Variants in LCOR observed in about 807,000 individuals in gnomAD.
The protein encoded by LCOR is ligand dependent nuclear receptor corepressor.
LCOR carries 14 observed loss-of-function variants against 64.4 expected under a neutral mutation model. The ratio of observed to expected loss-of-function variants is 0.22; its 90% CI spans 0.14 to 0.34. The LOEUF (loss-of-function observed/expected upper bound fraction) is 0.34. Ranked by LOEUF, LCOR falls within the 10% of genes least tolerant of loss-of-function variation. The pLI is 1.00. For missense variants in LCOR, 1,686 were observed against 1,765.3 expected (o/e 0.96, Z 0.80); for synonymous variants, 643 against 642.5 (o/e 1.00, Z -0.01).
At position 96,994,685 on chromosome 10, in the gene LCOR, G is replaced by A. The variant is rs1290582294; in HGVS notation, c.*9551G>A. ...TACTTCTTGTGGTGGTAGGGGGTGG[G>A]GGGAATGGGGCATTGTAGATTATGT... is the stretch of plus-strand genomic sequence containing the variant. On this transcript the variant is annotated 3_prime_UTR_variant, in exon 8 of 8. Transcript: ENST00000421806. 1 of 152,072 alleles carries A rather than the reference G, an allele frequency of 6.6e-6. No homozygotes were observed. Among genetic ancestry groups the A allele is most frequent in the Non-Finnish European group, 1.5e-5 (1 of 68,028 alleles). The allele number at this position is 152,072 out of a possible 1,614,324, so 9.4% of individuals were successfully genotyped here.
intron 2 of LCOR, among the ~76,000 whole-genome samples, chr10:96,861,997 A>G (rs896013819): frequency 6.6e-6 from 1 of 152,236 alleles, no homozygotes; most frequent in Non-Finnish European, 1.5e-5. Flanking sequence ...TGGGGTTCCC[A>G]TAACTCCCTC....
At chr10:96,888,629 GT>G (rs373765358) in intron 2 of LCOR, among the ~76,000 whole-genome samples, 6 of 152,226 alleles carry the variant, frequency 3.9e-5, no homozygotes, top group African/African-American at 1.4e-4. Context: ...CATTGGTCAA[GT>G]GCAAAATAGA....
intron 2 of LCOR, among the ~76,000 whole-genome samples, chr10:96,896,409 TTTA>T (rs372084886): frequency 9.2e-5 from 14 of 151,834 alleles, no homozygotes; most frequent in South Asian, 2.1e-4. Flanking sequence ...ATTAGTTTTA[TTTA>T]TTATTATTAT....
intron 7 of LCOR, chr10:96,956,716 T>G: frequency 1.0e-6 from 1 of 985,840 alleles, no homozygotes; most frequent in Non-Finnish European, 1.2e-6. Context: ...GGATATAGCC[T>G]TATCTCATGG....
At chr10:96,889,562 GT>G (rs1166020028) in intron 2 of LCOR, among the ~76,000 whole-genome samples, 1 of 152,142 alleles carries the variant, frequency 6.6e-6, no homozygotes, top group African/African-American at 2.4e-5. Flanking sequence ...ACCTTCTCTG[GT>G]TTCTGTCCTA....
chr10:96,866,651 G>C (rs950814210), intron 2 of LCOR, among the ~76,000 whole-genome samples: 1 of 152,126 alleles, frequency 6.6e-6, no homozygotes, highest in Non-Finnish European at 1.5e-5. Context: ...CCCGATTTCG[G>C]CTCACTGCAA....
Position 96,993,008 on chromosome 10 carries a change from T to C in LCOR, c.*7874T>C, listed in dbSNP as rs576049468. On this transcript the variant is annotated 3_prime_UTR_variant, in exon 8 of 8. Transcript: ENST00000421806. ...CCTGTAACCAGTGGTTACAGAATGATACCATCTGTTCTAAGATGTGGTCAG... is the reference window on the plus strand; with the variant it reads ...CCTGTAACCAGTGGTTACAGAATGACACCATCTGTTCTAAGATGTGGTCAG... 1 of 152,400 alleles carries C rather than the reference T, an allele frequency of 6.6e-6. No individual in the cohort carries two copies. The highest frequency in any genetic ancestry group is 1.9e-4 in the East Asian group (1 of 5,194). The allele number at this position is 152,400 out of a possible 1,614,324, so 9.4% of individuals were successfully genotyped here.
At chr10:96,874,113 T>C (rs1846123361) in intron 2 of LCOR, among the ~76,000 whole-genome samples, 1 of 152,242 alleles carries the variant, frequency 6.6e-6, no homozygotes, top group Non-Finnish European at 1.5e-5. Flanking sequence ...AAATATTTAT[T>C]GTTAAGCATA....
intron 2 of LCOR, among the ~76,000 whole-genome samples, chr10:96,858,434 A>G (rs1845838123): frequency 6.6e-6 from 1 of 152,224 alleles, no homozygotes. Context: ...TAAAATGTTC[A>G]TGATCCTTCC....
At chr10:96,850,409 A>G (rs1300574197) in intron 2 of LCOR, among the ~76,000 whole-genome samples, 1 of 152,208 alleles carries the variant, frequency 6.6e-6, no homozygotes, top group South Asian at 2.1e-4. Flanking sequence ...AGCATGATGA[A>G]CTGAAAATTG....
intron 2 of LCOR, among the ~76,000 whole-genome samples, chr10:96,895,971 G>A (rs1214494205): frequency 1.3e-5 from 2 of 152,082 alleles, no homozygotes; most frequent in East Asian, 1.9e-4. Flanking sequence ...AGTCCAAGCT[G>A]CTCAGGAGGC....
chr10:96,897,186 A>T (rs1247700623), intron 2 of LCOR, among the ~76,000 whole-genome samples: 1 of 152,034 alleles, frequency 6.6e-6, no homozygotes, highest in East Asian at 1.9e-4. Flanking sequence ...AATGTGATGT[A>T]AAAAAGATAT....
chr10:96,963,489 C>T (rs1452896131), intron 7 of LCOR: 2 of 152,204 alleles, frequency 1.3e-5, no homozygotes, highest in African/African-American at 4.8e-5. Flanking sequence ...ATTTTGTGCA[C>T]TGGCCACTGT....
At chr10:96,878,420 A>G (rs1846206728) in intron 2 of LCOR, among the ~76,000 whole-genome samples, 1 of 152,208 alleles carries the variant, frequency 6.6e-6, no homozygotes, top group Non-Finnish European at 1.5e-5. Context: ...AGATTGATAG[A>G]TCTAACAGAC....
intron 7 of LCOR, among the ~76,000 whole-genome samples, chr10:96,967,930 G>A (rs1311681138): frequency 6.6e-6 from 1 of 152,104 alleles, no homozygotes; most frequent in Non-Finnish European, 1.5e-5. Context: ...GTCTTAAGCA[G>A]AATCAACCTT....
At chr10:96,978,308 A>G (rs1848054551) in intron 7 of LCOR, among the ~76,000 whole-genome samples, 1 of 152,244 alleles carries the variant, frequency 6.6e-6, no homozygotes, top group Admixed American at 6.5e-5. Context: ...AAGGAAGAAG[A>G]TAATATTTGC....
At chr10:96,901,984 C>A (rs753070966) in intron 2 of LCOR, among the ~76,000 whole-genome samples, 2 of 152,130 alleles carry the variant, frequency 1.3e-5, no homozygotes, top group Non-Finnish European at 2.9e-5. Context: ...GTTGTCCATA[C>A]TGATAGTAGG....
intron 4 of LCOR, among the ~76,000 whole-genome samples, chr10:96,920,361 T>C (rs1847026455): frequency 6.7e-6 from 1 of 149,936 alleles, no homozygotes; most frequent in South Asian, 2.1e-4. Context: ...TTGTTTCTTG[T>C]TAAATTGTAG....
Position 96,993,818 on chromosome 10 carries a change from G to A in LCOR, c.*8684G>A, listed in dbSNP as rs2134575750. 6.6e-6 allele frequency: 1 copy of A among 151,158 alleles called. No individual in the cohort carries two copies. Among genetic ancestry groups the A allele is most frequent in the East Asian group, 1.9e-4 (1 of 5,168 alleles). The allele number at this position is 151,158 out of a possible 1,614,324, so 9.4% of individuals were successfully genotyped here. On this transcript the variant is annotated 3_prime_UTR_variant, in exon 8 of 8. Coordinates refer to ENST00000421806, the MANE Select transcript of LCOR (RefSeq NM_001346516.2). ...TGGTCAGTGGTCAGTACTCAGATCT[G>A]CAGAGCAGATTTCCAGATGTTCTTT...
Sources: gnomAD v4.1 joint callset for allele counts (sites outside exome capture counted in the v4.1 genomes callset) on GRCh38, gnomAD v4.1.1 for gene constraint, MANE v1.5 for transcripts, NCBI Gene and HGNC (gene_info 2026-07-23, HGNC 2026-07-21) for gene names.